RORA: variants seen among roughly 807,000 people sequenced by gnomAD.
RORA encodes nuclear receptor ROR-alpha.
RORA carries 7 observed loss-of-function variants against 69.5 expected under a neutral mutation model. The ratio of observed to expected loss-of-function variants is 0.10; its 90% CI spans 0.06 to 0.19. The LOEUF is 0.19. RORA is among the 10% of genes least tolerant of loss of function. The probability of loss-of-function intolerance (pLI) is 1.00; values close to 1 mark genes in which losing one functional copy is unlikely to be tolerated. For missense variants in RORA, 457 were observed against 663.0 expected, an observed-to-expected ratio of 0.69 and a Z score of 3.41; for synonymous variants, 261 against 240.8, an observed-to-expected ratio of 1.08 and a Z score of -0.78.
intron 1 of RORA, among the ~76,000 whole-genome samples, chr15:60,747,229 CAA>C (rs35976348): frequency 6.6e-6 from 1 of 151,976 alleles, no homozygotes; most frequent in Non-Finnish European, 1.5e-5. Context: ...AGGGAGAGTT[CAA>C]AAAAAGTCAA....
At chr15:60,816,849 A>G (rs2072824777) in intron 1 of RORA, among the ~76,000 whole-genome samples, 1 of 152,086 alleles carries the variant, frequency 6.6e-6, no homozygotes, top group Non-Finnish European at 1.5e-5. Context: ...TGTTTTTCTA[A>G]TGGGTTAACA....
At chr15:60,654,230 T>C (rs2140704212) in intron 2 of RORA, among the ~76,000 whole-genome samples, 1 of 152,362 alleles carries the variant, frequency 6.6e-6, no homozygotes, top group Non-Finnish European at 1.5e-5. Flanking sequence ...CTGTTTTGAT[T>C]TGTACCCTAA....
intron 1 of RORA, among the ~76,000 whole-genome samples, chr15:60,704,116 C>A (rs1459896705): frequency 6.6e-6 from 1 of 152,138 alleles, no homozygotes; most frequent in African/African-American, 2.4e-5. Context: ...TCTTCATTAC[C>A]CTCAAGGAAT....
At chr15:61,129,713 C>T (rs2079173688) in intron 1 of RORA, among the ~76,000 whole-genome samples, 1 of 152,144 alleles carries the variant, frequency 6.6e-6, no homozygotes, top group Admixed American at 6.5e-5. Context: ...CTCTGCTAAC[C>T]CTACCAGGGC....
At chr15:60,571,079 T>C (rs1182384029) in intron 2 of RORA, among the ~76,000 whole-genome samples, 7 of 152,188 alleles carry the variant, frequency 4.6e-5, no homozygotes, top group Non-Finnish European at 7.3e-5. Flanking sequence ...TCAACAGTAG[T>C]TTCTATAATC....
At position 60,495,815 on chromosome 15, in the gene RORA, G is replaced by A. The variant is rs2065153111; in HGVS notation, c.*1640C>T. On this transcript the variant is annotated 3_prime_UTR_variant, in exon 11 of 11. Coordinates refer to ENST00000335670, the MANE Select transcript of RORA (RefSeq NM_134261.3). Reference sequence around the variant, plus strand: ...ACTTGTTTTTAAAATATGCACATCTGTTTATCAGACTATTCCTTTCCCCTT... The same window carrying A: ...ACTTGTTTTTAAAATATGCACATCTATTTATCAGACTATTCCTTTCCCCTT... 1 of 150,074 alleles carries A rather than the reference G, an allele frequency of 6.7e-6. No individual in the cohort carries two copies. The highest frequency in any genetic ancestry group is 2.5e-5 in the African/African-American group (1 of 40,734). The allele number at this position is 150,074 out of a possible 1,614,324, so 9.3% of individuals were successfully genotyped here.
intron 2 of RORA, among the ~76,000 whole-genome samples, chr15:60,645,943 A>G (rs2070036470): frequency 1.3e-5 from 2 of 152,326 alleles, no homozygotes; most frequent in African/African-American, 4.8e-5. Context: ...ACTGAAACAA[A>G]TCAGTAAAAA....
intron 1 of RORA, among the ~76,000 whole-genome samples, chr15:61,187,011 T>C (rs749437447): frequency 1.3e-5 from 2 of 152,240 alleles, no homozygotes; most frequent in Non-Finnish European, 2.9e-5. Context: ...TTATCTGCTC[T>C]CTCTGAAATG....
chr15:60,814,194 G>A (rs574037021), intron 1 of RORA, among the ~76,000 whole-genome samples: 2 of 152,040 alleles, frequency 1.3e-5, no homozygotes, highest in Admixed American at 6.5e-5. Flanking sequence ...CTTTTGCCCA[G>A]AAGGACTTTC....
At chr15:60,854,779 G>C (rs1177987339) in intron 1 of RORA, among the ~76,000 whole-genome samples, 1 of 152,186 alleles carries the variant, frequency 6.6e-6, no homozygotes, top group African/African-American at 2.4e-5. Context: ...CAATTACTTA[G>C]GTAATAAAGT....
chr15:60,982,389 A>G (rs1894070267), intron 1 of RORA, among the ~76,000 whole-genome samples: 1 of 152,194 alleles, frequency 6.6e-6, no homozygotes, highest in Non-Finnish European at 1.5e-5. Context: ...GTCATTCCCT[A>G]GACTTTGCTT....
chr15:60,523,898 C>G (rs1339842774), intron 3 of RORA, among the ~76,000 whole-genome samples: 1 of 152,158 alleles, frequency 6.6e-6, no homozygotes, highest in African/African-American at 2.4e-5. Flanking sequence ...TGGTCTTGAA[C>G]TCTTGGCTTT....
At chr15:60,945,687 T>C (rs2140327773) in intron 1 of RORA, among the ~76,000 whole-genome samples, 1 of 152,304 alleles carries the variant, frequency 6.6e-6, no homozygotes, top group East Asian at 1.9e-4. Context: ...GGGAAAATAA[T>C]TGGTTCACTC....
intron 1 of RORA, among the ~76,000 whole-genome samples, chr15:61,117,219 AT>A (rs1407195790): frequency 2.0e-5 from 3 of 150,656 alleles, no homozygotes; most frequent in African/African-American, 7.3e-5. Flanking sequence ...CAGCCAACAA[AT>A]CTGATTAAAA....
At chr15:60,658,978 C>T (rs186898188) in intron 2 of RORA, among the ~76,000 whole-genome samples, 41 of 152,250 alleles carry the variant, frequency 2.7e-4, no homozygotes, top group African/African-American at 9.4e-4. Context: ...GTATATTGAC[C>T]CATCCCTGAC....
At chr15:60,503,242 C>G (rs548634691) in intron 7 of RORA, among the ~76,000 whole-genome samples, 1 of 152,170 alleles carries the variant, frequency 6.6e-6, no homozygotes, top group Non-Finnish European at 1.5e-5. Flanking sequence ...TTCCTAACAT[C>G]ATAAACTCGG....
intron 1 of RORA, among the ~76,000 whole-genome samples, chr15:60,831,359 G>A (rs993340676): frequency 6.6e-6 from 1 of 152,094 alleles, no homozygotes; most frequent in Non-Finnish European, 1.5e-5. Flanking sequence ...GGTCACACCT[G>A]TGTCCTCTGG....
intron 1 of RORA, among the ~76,000 whole-genome samples, chr15:60,818,715 TA>T (rs1555455644): frequency 6.6e-6 from 1 of 152,202 alleles, no homozygotes; most frequent in Non-Finnish European, 1.5e-5. Context: ...CATGAAAGAT[TA>T]AAAAACAAGG....
chr15:60,568,314 G>C (rs954651041), intron 2 of RORA, among the ~76,000 whole-genome samples: 60 of 152,230 alleles, frequency 3.9e-4, no homozygotes, highest in Admixed American at 3.9e-3. Flanking sequence ...CCTGAGGGTA[G>C]TGATGCCAAA....
Sources: gnomAD v4.1 joint callset for allele counts (sites outside exome capture counted in the v4.1 genomes callset) on GRCh38, gnomAD v4.1.1 for gene constraint, MANE v1.5 for transcripts, NCBI Gene and HGNC (gene_info 2026-07-23, HGNC 2026-07-21) for gene names.